The following PCBP3 variants were observed in gnomAD, a reference collection of about 807,000 sequenced individuals.
The protein encoded by PCBP3 is poly(rC) binding protein 3.
In PCBP3, 25 loss-of-function variants were observed where a neutral mutation model predicts 52.7. That is an observed-to-expected ratio of 0.47 (90% confidence interval 0.35 to 0.66). The LOEUF (loss-of-function observed/expected upper bound fraction) is 0.66. Ranked by LOEUF, PCBP3 falls within the 30% of genes least tolerant of loss-of-function variation. PCBP3 has a pLI of 0.01. For missense variants in PCBP3, 391 were observed against 490.3 expected (o/e 0.80, Z 1.91); for synonymous variants, 162 against 183.0 (o/e 0.89, Z 0.93).
intron 16 of PCBP3, 132 bp downstream of exon 16, chr21:45,935,437 G>T (rs1369458589): frequency 1.4e-6 from 1 of 720,172 alleles, no homozygotes; most frequent in East Asian, 2.7e-5. Context: ...CCCACTGTTT[G>T]ATCTGTGTCC....
In PCBP3 at chr21:45,935,271, C is replaced by T. The variant is rs140239725; in HGVS notation, c.875C>T (p.Pro292Leu). 1.8e-4 allele frequency: 295 copies of T among 1,612,870 alleles called. No homozygotes were observed. The highest frequency in any genetic ancestry group is 5.7e-4 in the African/African-American group (43 of 74,982). Residue 292 changes from proline to leucine, a missense_variant, in exon 16 of 18, where the codon CCG (proline) becomes CTG (leucine). Coordinates refer to ENST00000681687, the MANE Select transcript of PCBP3 (RefSeq NM_001384156.1). ...TACCCAGGTCTGGACGCCAGCCCAC[C>T]GGCCAGCACTCATGAGCTCACCATT... ...GQSSGLDASP[P>L]ASTHELTIPN...
chr21:45,910,995 C>T lies in PCBP3; in HGVS notation c.565C>T (p.Gln189Ter). 1 of 1,611,914 alleles carries T rather than the reference C, an allele frequency of 6.2e-7. No homozygotes were observed. Among genetic ancestry groups the T allele is most frequent in the Non-Finnish European group, 8.5e-7 (1 of 1,179,948 alleles). ...TISGTPDAII[Q>*]CVKQICVVML... ...CTCGGGGACCCCAGATGCCATCATCCAGTGCGTCAAGCAGATCTGTGTGGT... is the reference window on the plus strand; with the variant it reads ...CTCGGGGACCCCAGATGCCATCATCTAGTGCGTCAAGCAGATCTGTGTGGT... Residue 189 changes from glutamine (Q) to a stop codon, truncating the protein, a stop_gained, in exon 11 of 18, where the codon CAG becomes TAG. Transcript: ENST00000681687. LOFTEE classifies it high-confidence loss of function.
In PCBP3 at chr21:45,724,798, C is replaced by T. The variant is rs1015855080; in HGVS notation, c.-199-10594C>T. On this transcript the variant is annotated intron_variant, in intron 2 of 17. Transcript: ENST00000681687. The surrounding 1 kb of genome is among the most constrained non-coding windows in gnomAD (Gnocchi z 5.3). ...GGCTGTTGTTTTCAGGCTGTTGGGC[C>T]GTGAGGCTGCTCTGGTCTGAGAAAG... Among the ~76,000 whole-genome samples the T allele has an allele frequency of 6.6e-5, 10 of 151,976 alleles. No homozygotes were observed. In the East Asian group the frequency reaches 1.2e-3, roughly 18 times the overall value.
chr21:45,678,442 T>C (rs1163175843), intron 2 of PCBP3, among the ~76,000 whole-genome samples: 3 of 152,186 alleles, frequency 2.0e-5, no homozygotes, highest in Non-Finnish European at 2.9e-5. Flanking sequence ...CCGTTCTCGA[T>C]GTCATTAAGA....
intron 2 of PCBP3, among the ~76,000 whole-genome samples, chr21:45,688,580 G>A (rs1172402441): frequency 1.3e-5 from 2 of 151,804 alleles, no homozygotes; most frequent in East Asian, 1.9e-4. Context: ...TAAAATAACA[G>A]TAAAGTATAT....
intron 1 of PCBP3, among the ~76,000 whole-genome samples, chr21:45,664,666 G>A (rs2080663016): frequency 6.8e-6 from 1 of 147,188 alleles, no homozygotes; most frequent in African/African-American, 2.5e-5. Context: ...TGCACATTGT[G>A]CAGGTTAGTT....
In PCBP3 at chr21:45,643,742, C is replaced by T. The variant is rs866138003; in HGVS notation, c.-405C>T. 1.6e-4 allele frequency: 24 copies of T among 148,618 alleles called. No individual in the cohort carries two copies. The highest frequency in any genetic ancestry group is 3.3e-4 in the Non-Finnish European group (22 of 66,734). 9.2% of individuals were successfully genotyped at this position (148,618 alleles called of 1,614,324 possible). ...CGACCGCCGCCTCAGCCGCCTCAGC[C>T]GCGGTCGCCGCCGCTTCGGCTGACT... is the stretch of plus-strand genomic sequence containing the variant. On this transcript the variant is annotated 5_prime_UTR_variant, in exon 1 of 18. Transcript: ENST00000681687.
chr21:45,721,754 A>T (rs1174539070), intron 2 of PCBP3, among the ~76,000 whole-genome samples: 1 of 152,196 alleles, frequency 6.6e-6, no homozygotes, highest in South Asian at 2.1e-4. Flanking sequence ...AGAGGTCCAT[A>T]GACAGGGAGG....
At chr21:45,929,631 G>C (rs1294640737) in intron 13 of PCBP3, among the ~76,000 whole-genome samples, 2 of 152,220 alleles carry the variant, frequency 1.3e-5, no homozygotes, top group Non-Finnish European at 2.9e-5. Flanking sequence ...ACACCAGCTG[G>C]TGAGAGGGAG....
At chr21:45,810,649 T>C (rs553461810) in intron 4 of PCBP3, among the ~76,000 whole-genome samples, 53 of 152,314 alleles carry the variant, frequency 3.5e-4, no homozygotes, top group African/African-American at 1.2e-3. Context: ...TTCTCATCTC[T>C]GTGTCAGATT....
At chr21:45,744,889 T>G (rs1473252722) in intron 3 of PCBP3, among the ~76,000 whole-genome samples, 1 of 152,248 alleles carries the variant, frequency 6.6e-6, no homozygotes, top group Non-Finnish European at 1.5e-5. Flanking sequence ...ACTATTCTTT[T>G]GTTGTTAAGT....
chr21:45,857,666 A>G (rs2094353091), intron 5 of PCBP3, among the ~76,000 whole-genome samples: 1 of 152,104 alleles, frequency 6.6e-6, no homozygotes. Context: ...CACCCCAGCC[A>G]CCCTGGGCAC....
intron 5 of PCBP3, among the ~76,000 whole-genome samples, chr21:45,874,980 G>A (rs918721285): frequency 5.3e-5 from 8 of 152,192 alleles, no homozygotes; most frequent in South Asian, 2.1e-4. Context: ...CTGCAGGAGT[G>A]CCTGGGCCAG....
intron 13 of PCBP3, among the ~76,000 whole-genome samples, chr21:45,921,946 G>C (rs759333678): frequency 6.6e-6 from 1 of 152,218 alleles, no homozygotes; most frequent in South Asian, 2.1e-4. Flanking sequence ...CAGGTGTTTT[G>C]AAGAGGCACA....
intron 1 of PCBP3, among the ~76,000 whole-genome samples, chr21:45,659,170 A>G (rs1464684718): frequency 6.7e-6 from 1 of 148,628 alleles, no homozygotes; most frequent in Non-Finnish European, 1.5e-5. Context: ...TCTTTCTTCC[A>G]CTTGCAAAGG....
chr21:45,810,470 C>G (rs1347460215), intron 4 of PCBP3, among the ~76,000 whole-genome samples: 1 of 151,576 alleles, frequency 6.6e-6, no homozygotes, highest in Non-Finnish European at 1.5e-5. Context: ...TGCCACATTT[C>G]TCAGGCTGGT....
At chr21:45,718,460 G>A (rs931919861) in intron 2 of PCBP3, among the ~76,000 whole-genome samples, 18 of 151,920 alleles carry the variant, frequency 1.2e-4, no homozygotes, top group African/African-American at 4.4e-4. Context: ...TTAAAGGTAG[G>A]TGTTTACAGC....
intron 5 of PCBP3, among the ~76,000 whole-genome samples, chr21:45,874,757 C>T (rs575675843): frequency 9.2e-5 from 14 of 152,238 alleles, no homozygotes; most frequent in South Asian, 6.2e-4. Context: ...TTTGATTTTC[C>T]GTTGCTGGCT....
At chr21:45,908,839 A>G (rs2096270321) in intron 9 of PCBP3, among the ~76,000 whole-genome samples, 1 of 151,964 alleles carries the variant, frequency 6.6e-6, no homozygotes, top group African/African-American at 2.4e-5. Flanking sequence ...GCCGCCCCCC[A>G]CCTCAGCCTT....
Sources: gnomAD v4.1 joint callset for allele counts (sites outside exome capture counted in the v4.1 genomes callset) on GRCh38, gnomAD v4.1.1 for gene constraint, Gnocchi (gnomAD v3.1) non-coding constraint, MANE v1.5 for transcripts, NCBI Gene and HGNC (gene_info 2026-07-23, HGNC 2026-07-21) for gene names.